KIAA0232: variants seen among roughly 807,000 people sequenced by gnomAD.
The protein encoded by KIAA0232 is KIAA0232.
KIAA0232 carries 27 observed loss-of-function variants against 122.0 expected under a neutral mutation model. That is an observed-to-expected ratio of 0.22 (90% CI 0.16 to 0.31). The LOEUF (loss-of-function observed/expected upper bound fraction) is 0.31. Ranked by LOEUF, KIAA0232 falls within the 10% of genes least tolerant of loss-of-function variation. KIAA0232 has a pLI of 1.00. For synonymous variants in KIAA0232, 613 were observed against 587.6 expected (o/e 1.04, Z -0.63); for missense variants, 1,551 against 1,634.2 (o/e 0.95, Z 0.88).
chr4:6,877,102 T>G (rs1195757757), intron 9 of KIAA0232, among the ~76,000 whole-genome samples: 1 of 152,154 alleles, frequency 6.6e-6, no homozygotes, highest in Non-Finnish European at 1.5e-5. Flanking sequence ...TTTTTTTTGT[T>G]TACCTAATAA....
At chr4:6,803,206 T>TATATAC (rs1209507726) in intron 1 of KIAA0232, among the ~76,000 whole-genome samples, 19 of 50,744 alleles carry the variant, frequency 3.7e-4, no homozygotes, top group African/African-American at 1.5e-3. Flanking sequence ...AATGAGTGCA[T>TATATAC]ATATATATAT....
At chr4:6,784,477 A>G (rs1431498476) in intron 1 of KIAA0232, among the ~76,000 whole-genome samples, 1 of 152,196 alleles carries the variant, frequency 6.6e-6, no homozygotes, top group African/African-American at 2.4e-5. Flanking sequence ...TGCATCCTCA[A>G]GGTCAAATAT....
At chr4:6,796,622 A>G (rs1399764831) in intron 1 of KIAA0232, among the ~76,000 whole-genome samples, 1 of 152,218 alleles carries the variant, frequency 6.6e-6, no homozygotes, top group Non-Finnish European at 1.5e-5. Context: ...ATCAATCATG[A>G]TAGTAGAAAA....
chr4:6,877,530 A>G (rs1028385216), intron 9 of KIAA0232, among the ~76,000 whole-genome samples: 7 of 152,290 alleles, frequency 4.6e-5, no homozygotes, highest in African/African-American at 1.7e-4. Flanking sequence ...CACGATCACA[A>G]GGTCCCACAA....
At chr4:6,850,914 C>T (rs10022233) in intron 4 of KIAA0232, among the ~76,000 whole-genome samples, 99,973 of 151,984 alleles carry the variant, frequency 0.66, 34,770 homozygotes, top group Non-Finnish European at 0.8. Flanking sequence ...GTGATCCGCC[C>T]ACCTCGGCCT....
chr4:6,876,841 C>CCT (rs1721782777), intron 9 of KIAA0232, 84 bp downstream of exon 9: 1 of 921,968 alleles, frequency 1.1e-6, no homozygotes, highest in Non-Finnish European at 1.8e-6. Flanking sequence ...ACCTGGGAGT[C>CCT]ATGTGAGTGG....
At chr4:6,844,973 CAA>C (rs1201112614) in intron 4 of KIAA0232, among the ~76,000 whole-genome samples, 6 of 152,220 alleles carry the variant, frequency 3.9e-5, no homozygotes, top group African/African-American at 1.4e-4. Context: ...ATGTGATAGA[CAA>C]AGTCACTTTC....
chr4:6,790,590 G>T (rs1408420531), intron 1 of KIAA0232, among the ~76,000 whole-genome samples: 1 of 151,716 alleles, frequency 6.6e-6, no homozygotes, highest in African/African-American at 2.4e-5. Flanking sequence ...TTGCCATGTT[G>T]CCCAGGCTGA....
chr4:6,852,474 C>T (rs1720344176), intron 4 of KIAA0232, among the ~76,000 whole-genome samples: 1 of 152,156 alleles, frequency 6.6e-6, no homozygotes. Context: ...TTACCATGAT[C>T]ACCAGTAGTC....
intron 3 of KIAA0232, among the ~76,000 whole-genome samples, chr4:6,830,175 C>T (rs1035855149): frequency 1.3e-5 from 2 of 152,194 alleles, no homozygotes; most frequent in Non-Finnish European, 2.9e-5. Context: ...TTCACGGTAA[C>T]TCATTTAATC....
chr4:6,808,699 C>T (rs984954380), intron 2 of KIAA0232, among the ~76,000 whole-genome samples: 5 of 152,054 alleles, frequency 3.3e-5, no homozygotes, highest in Admixed American at 1.3e-4. Flanking sequence ...GTTAGTTAGT[C>T]CCTGCCTGTG....
At chr4:6,844,058 G>C (rs1719820321) in intron 4 of KIAA0232, among the ~76,000 whole-genome samples, 1 of 142,162 alleles carries the variant, frequency 7.0e-6, no homozygotes, top group African/African-American at 2.6e-5. Flanking sequence ...TTCTGCCTCA[G>C]CCTCCTGAAT....
chr4:6,830,551 C>T (rs1038214780), intron 3 of KIAA0232, among the ~76,000 whole-genome samples: 1 of 151,696 alleles, frequency 6.6e-6, no homozygotes, highest in Admixed American at 6.6e-5. Flanking sequence ...AGATTACAGG[C>T]GTGCATTACC....
At chr4:6,817,766 G>C (rs1286626530) in intron 2 of KIAA0232, among the ~76,000 whole-genome samples, 1 of 152,068 alleles carries the variant, frequency 6.6e-6, no homozygotes, top group Non-Finnish European at 1.5e-5. Context: ...TGACAAGGAG[G>C]TTTTGAGATC....
chr4:6,811,458 T>G (rs1006168183), intron 2 of KIAA0232, among the ~76,000 whole-genome samples: 10 of 152,190 alleles, frequency 6.6e-5, no homozygotes, highest in Non-Finnish European at 1.0e-4. Flanking sequence ...GCTTTTTCTT[T>G]CTGAGACAGG....
intron 4 of KIAA0232, among the ~76,000 whole-genome samples, chr4:6,844,504 C>T (rs118096339): frequency 2.0e-5 from 3 of 151,862 alleles, no homozygotes; most frequent in African/African-American, 7.3e-5. Flanking sequence ...TGCAGTGACG[C>T]AAACCTGGCT....
chr4:6,825,368 T>C (rs1204420717), intron 3 of KIAA0232, among the ~76,000 whole-genome samples: 1 of 152,010 alleles, frequency 6.6e-6, no homozygotes, highest in African/African-American at 2.4e-5. Context: ...CTTGGCAACA[T>C]AGAACCCAGT....
chr4:6,840,360 G>A (rs879609416), intron 3 of KIAA0232, among the ~76,000 whole-genome samples: 33 of 152,314 alleles, frequency 2.2e-4, no homozygotes, highest in South Asian at 4.1e-4. Context: ...GATGATGGGG[G>A]TAGTGTTAAT....
intron 2 of KIAA0232, 127 bp from the exon 3 acceptor site, chr4:6,824,058 C>G: frequency 2.6e-6 from 1 of 381,634 alleles, no homozygotes; most frequent in Non-Finnish European, 4.6e-6. Context: ...GGGGAAAAAT[C>G]AGTGTTCTAA....
Sources: allele counts gnomAD v4.1 joint callset (sites outside exome capture counted in the v4.1 genomes callset), GRCh38; gene constraint gnomAD v4.1.1; transcripts MANE v1.5; gene names NCBI Gene and HGNC (gene_info 2026-07-23, HGNC 2026-07-21).